RABL2A: variants seen among roughly 807,000 people sequenced by gnomAD.
The protein encoded by RABL2A is RAB, member of RAS oncogene family like 2A, also known as rab-like protein 2A.
RABL2A carries 17 observed loss-of-function variants against 30.7 expected under a neutral mutation model. The observed-to-expected ratio is 0.55, with a 90% CI of 0.38 to 0.83. RABL2A has a LOEUF of 0.83. Ranked by LOEUF, RABL2A falls within the 40% of genes least tolerant of loss-of-function variation. The pLI is 0.00. For synonymous variants in RABL2A, 64 were observed against 101.8 expected (o/e 0.63, Z 2.24); for missense variants, 155 against 272.6 (o/e 0.57, Z 3.04).
intron 3 of RABL2A, chr2:113,633,272 A>C (rs1681138978): frequency 2.3e-6 from 1 of 441,584 alleles, no homozygotes; most frequent in Non-Finnish European, 4.2e-6. Flanking sequence ...GATACTGGCC[A>C]AGTCATTTAA....
intron 5 of RABL2A, chr2:113,637,938 C>G: frequency 1.0e-6 from 1 of 985,382 alleles, no homozygotes; most frequent in East Asian, 1.1e-4. Context: ...CTGCACGGGC[C>G]CTGGCAAGTA....
chr2:113,635,091 G>C lies in RABL2A; in HGVS notation c.258G>C (p.Met86Ile), dbSNP rs1413503549. Residue 86 changes from methionine to isoleucine, a missense_variant, in exon 5 of 9, where the codon ATG becomes ATC. Coordinates refer to ENST00000683472, the MANE Select transcript of RABL2A (RefSeq NM_001306158.2). ...DTAGQERFQS[M>I]HASYYHKAHA... ...CAGGCCAGGAGCGGTTCCAGAGCAT[G>C]CATGCCTCCTACTACCACAAGGCCC... The C allele has an allele frequency of 6.2e-7, 1 of 1,614,108 alleles. No individual in the cohort carries two copies. The highest frequency in any genetic ancestry group is 8.5e-7 in the Non-Finnish European group (1 of 1,180,042).
At chr2:113,638,549 C>T in intron 5 of RABL2A, 1 of 985,346 alleles carries the variant, frequency 1.0e-6, no homozygotes. Flanking sequence ...TTGCAGTGCT[C>T]ATCCTTCTTG....
chr2:113,627,654 G>C (rs1483302824), intron 1 of RABL2A, among the ~76,000 whole-genome samples: 1 of 152,242 alleles, frequency 6.6e-6, no homozygotes, highest in Admixed American at 6.5e-5. Context: ...GCCCGTAAGC[G>C]GTGGCTCACG....
At position 113,643,087 on chromosome 2, in the gene RABL2A, C is replaced by T. The variant is rs187007200; in HGVS notation, c.*958C>T. ...GTTAGGAATACACAAGCGGTAAAAT[C>T]GAGTCCTTACAGCCATACCACAAGG... On this transcript the variant is annotated 3_prime_UTR_variant, in exon 9 of 9. Coordinates refer to ENST00000683472, the MANE Select transcript of RABL2A (RefSeq NM_001306158.2). 535 of 449,772 alleles carry T rather than the reference C, an allele frequency of 1.2e-3. 1 individual carries two copies. Among genetic ancestry groups the T allele is most frequent in the African/African-American group, 0.01 (505 of 49,724 alleles). 27.9% of individuals were successfully genotyped at this position (449,772 alleles called of 1,614,324 possible).
intron 2 of RABL2A, among the ~76,000 whole-genome samples, chr2:113,629,477 GTCTC>G (rs141881303): frequency 2.0e-5 from 3 of 148,730 alleles, no homozygotes; most frequent in African/African-American, 4.9e-5. Flanking sequence ...TGAATTCTCT[GTCTC>G]TCTCTCTCTC....
chr2:113,632,343 G>A (rs1680695527), intron 2 of RABL2A, among the ~76,000 whole-genome samples: 2 of 152,228 alleles, frequency 1.3e-5, no homozygotes, highest in Non-Finnish European at 2.9e-5. Context: ...TTTTTTCACA[G>A]GATAACTGAC....
chr2:113,641,269 T>A, intron 6 of RABL2A, 84 bp from the exon 7 acceptor site: 1 of 1,594,704 alleles, frequency 6.3e-7, no homozygotes, highest in Non-Finnish European at 8.6e-7. Flanking sequence ...TATCCCACTT[T>A]CTGGAATGAA....
chr2:113,637,713 C>T lies in RABL2A; in HGVS notation c.297+2583C>T, dbSNP rs562614588. ...GGCAGTGTAGTGCAGAAGTCTGACC[C>T]TCAAGAGCAGAGGAGCTTGGTCCTA... is the stretch of plus-strand genomic sequence containing the variant. On this transcript the variant is annotated intron_variant, in intron 5 of 8. Coordinates refer to ENST00000683472, the MANE Select transcript of RABL2A (RefSeq NM_001306158.2). 24 of 1,272,976 alleles carry T rather than the reference C, an allele frequency of 1.9e-5. No individual in the cohort carries two copies. In the African/African-American group the frequency reaches 2.1e-4, roughly 11 times the overall value. The allele number at this position is 1,272,976 out of a possible 1,614,324, so 78.9% of individuals were successfully genotyped here.
At chr2:113,631,377 T>C (rs1680278263) in intron 2 of RABL2A, among the ~76,000 whole-genome samples, 1 of 151,876 alleles carries the variant, frequency 6.6e-6, no homozygotes, top group Non-Finnish European at 1.5e-5. Flanking sequence ...GGCCACATGG[T>C]GTGAGTACAG....
In RABL2A at chr2:113,641,017, C is replaced by T. The variant is rs750057869; in HGVS notation, c.409+12C>T. The T allele has an allele frequency of 1.9e-6, 3 of 1,610,178 alleles. No individual in the cohort carries two copies. In the African/African-American group the frequency reaches 4.0e-5, roughly 22 times the overall value. ...CAATAAAATTGATGGTGGGGCCATC[C>T]CTGCACCTGGGTGTTAGCAATTCAC... On this transcript the variant is annotated intron_variant, in intron 6 of 8. Transcript: ENST00000683472.
chr2:113,628,344 C>T, intron 1 of RABL2A: 1 of 342,540 alleles, frequency 2.9e-6, no homozygotes, highest in South Asian at 2.8e-5. Context: ...ACGTGAGGAG[C>T]AGCATTTGGG....
rs1685106742 is a variant in RABL2A at position 113,641,394 on chromosome 2, A to G, written c.451A>G (p.Lys151Glu). Reference protein sequence around the residue: ...VTQKSFNFAKKFSLPLYFVSA... With the variant: ...VTQKSFNFAKEFSLPLYFVSA... ...CCAAAAAAGCTTCAATTTTGCCAAG[A>G]AGTTCTCCCTGCCCCTGTATTTCGT... Residue 151 changes from lysine to glutamate, a missense_variant, in exon 7 of 9, where the codon AAG (lysine) becomes GAG (glutamate). Around this residue, in one of 5 missense-constraint regions of RABL2A, gnomAD observed 33 missense variants for 30.7 expected, o/e 1.08. Coordinates refer to ENST00000683472, the MANE Select transcript of RABL2A (RefSeq NM_001306158.2). 1.9e-6 allele frequency: 3 copies of G among 1,612,372 alleles called. No homozygotes were observed. Among genetic ancestry groups the G allele is most frequent in the Non-Finnish European group, 2.5e-6 (3 of 1,179,406 alleles).
chr2:113,639,761 CAA>C (rs1322970755), intron 5 of RABL2A, among the ~76,000 whole-genome samples: 1 of 151,554 alleles, frequency 6.6e-6, no homozygotes, highest in East Asian at 1.9e-4. Flanking sequence ...GAGGCTGAGA[CAA>C]GAGAATCACT....
In RABL2A at chr2:113,627,731, C is replaced by G. The variant is rs1439206956; in HGVS notation, c.-54+331C>G. The G allele has an allele frequency of 2.3e-5, 6 of 256,138 alleles. No homozygotes were observed. The East Asian group carries it at 4.6e-4, about 20-fold the overall frequency. 15.9% of individuals were successfully genotyped at this position (256,138 alleles called of 1,614,324 possible). A position where few individuals can be genotyped will look rare whatever the true frequency, so the allele number is the denominator to read the frequency against. On this transcript the variant is annotated intron_variant, in intron 1 of 8. Transcript: ENST00000683472. The stretch of plus-strand genomic sequence containing the variant: ...CCAGGAGTTGGAGGCTGCAGTGAGC[C>G]GTGATCGCGCCACTGCACTCCAGCC...
Position 113,638,736 on chromosome 2 carries a change from C to T in RABL2A, c.298-2158C>T, listed in dbSNP as rs541247834. 2.2e-3 allele frequency: 528 copies of T among 235,722 alleles called. 3 individuals are homozygous for T. Among genetic ancestry groups the T allele is most frequent in the African/African-American group, 0.011 (481 of 42,070 alleles). The allele number at this position is 235,722 out of a possible 1,614,324, so 14.6% of individuals were successfully genotyped here. A position where few individuals can be genotyped will look rare whatever the true frequency, so the allele number is the denominator to read the frequency against. ...TACAAAAATTAGCCAGGCGTGGTGG[C>T]GCGCACCTGTAATCCAGCTACTCAG... is the stretch of plus-strand genomic sequence containing the variant. On this transcript the variant is annotated intron_variant, in intron 5 of 8. Coordinates refer to ENST00000683472, the MANE Select transcript of RABL2A (RefSeq NM_001306158.2).
intron 5 of RABL2A, among the ~76,000 whole-genome samples, chr2:113,636,906 G>A (rs1476021492): frequency 5.3e-5 from 8 of 151,788 alleles, no homozygotes; most frequent in Admixed American, 1.3e-4. Flanking sequence ...GGAGAATGGC[G>A]TGAACCCAGG....
chr2:113,634,679 C>G, intron 4 of RABL2A: 1 of 418,058 alleles, frequency 2.4e-6, no homozygotes, highest in Non-Finnish European at 4.5e-6. Context: ...CACAGCCTGC[C>G]TGACTCTGTC....
At position 113,636,835 on chromosome 2, in the gene RABL2A, A is replaced by G. The variant is rs559833070; in HGVS notation, c.297+1705A>G. Among the ~76,000 whole-genome samples the G allele has an allele frequency of 2.2e-3, 339 of 152,044 alleles. 1 individual carries two copies. The highest frequency in any genetic ancestry group is 7.6e-3 in the African/African-American group (313 of 41,446). ...AACCCCGTCTCTACTAAAAATACAA[A>G]AAAATTAGCCGGGCGTGGTAGCGGG... On this transcript the variant is annotated intron_variant, in intron 5 of 8. Transcript: ENST00000683472.
Sources: gnomAD v4.1 joint callset for allele counts (sites outside exome capture counted in the v4.1 genomes callset) on GRCh38, gnomAD v4.1.1 for gene constraint, gnomAD v4.1.1 regional missense constraint, MANE v1.5 for transcripts, NCBI Gene and HGNC (gene_info 2026-07-23, HGNC 2026-07-21) for gene names.